The following ZNF277 variants were observed in gnomAD, a reference collection of about 807,000 sequenced individuals.
ZNF277 encodes the protein nuclear receptor-interacting factor 4.
Under a neutral mutation model 60.7 loss-of-function variants are expected in ZNF277, and 55 were observed. The ratio of observed to expected loss-of-function variants is 0.91; its 90% CI spans 0.73 to 1.13. ZNF277 has a LOEUF of 1.13. Ranked by LOEUF, ZNF277 falls within the 50% of genes most tolerant of loss-of-function variation. The pLI is 0.00. For missense variants in ZNF277, 510 were observed against 523.0 expected (o/e 0.98, Z 0.24); for synonymous variants, 178 against 179.3 (o/e 0.99, Z 0.06).
At chr7:112,223,899 A>G (rs1180839698) in intron 1 of ZNF277, among the ~76,000 whole-genome samples, 1 of 152,222 alleles carries the variant, frequency 6.6e-6, no homozygotes, top group Non-Finnish European at 1.5e-5. Flanking sequence ...CCTTGTTAAT[A>G]AAGTCAGAGC....
At position 112,322,505 on chromosome 7, in the gene ZNF277, G is replaced by T. The variant is rs531240225; in HGVS notation, c.557+4232G>T. 1.9e-3 allele frequency among the ~76,000 whole-genome samples: 291 copies of T among 150,622 alleles called. 2 individuals are homozygous for T. Among genetic ancestry groups the T allele is most frequent in the African/African-American group, 6.7e-3 (275 of 41,240 alleles). On this transcript the variant is annotated intron_variant, in intron 5 of 11. Transcript: ENST00000361822. ...TTAAAATCCAAAATTTCTATTGGTT[G>T]TCTTTTTAAAAAAAATACTTTCTGG...
intron 5 of ZNF277, among the ~76,000 whole-genome samples, chr7:112,324,607 C>A (rs1793057647): frequency 6.6e-6 from 1 of 152,182 alleles, no homozygotes; most frequent in African/African-American, 2.4e-5. Context: ...CAACCAGCAA[C>A]TGTGGCTACA....
chr7:112,242,772 C>T (rs934968945), intron 1 of ZNF277, among the ~76,000 whole-genome samples: 26 of 151,854 alleles, frequency 1.7e-4, no homozygotes, highest in African/African-American at 6.3e-4. Context: ...CAGTGCAATT[C>T]CTATCAAAAT....
chr7:112,305,194 T>C (rs2117091298), intron 4 of ZNF277, among the ~76,000 whole-genome samples: 1 of 152,126 alleles, frequency 6.6e-6, no homozygotes, highest in East Asian at 1.9e-4. Flanking sequence ...GAGACCAGGC[T>C]CGGTAACAAA....
chr7:112,316,033 TG>T (rs1380825512), intron 4 of ZNF277, among the ~76,000 whole-genome samples: 2 of 152,116 alleles, frequency 1.3e-5, no homozygotes, highest in Non-Finnish European at 2.9e-5. Flanking sequence ...AAATTAAAAG[TG>T]ATATCATGAA....
chr7:112,290,073 A>T (rs1488275362), intron 2 of ZNF277, among the ~76,000 whole-genome samples: 1 of 152,000 alleles, frequency 6.6e-6, no homozygotes, highest in Non-Finnish European at 1.5e-5. Context: ...CAATCCACCC[A>T]CCTCGGCCTC....
intron 1 of ZNF277, among the ~76,000 whole-genome samples, chr7:112,222,274 T>G (rs966015514): frequency 2.6e-5 from 4 of 152,214 alleles, no homozygotes; most frequent in African/African-American, 7.2e-5. Flanking sequence ...TAGTTCATCT[T>G]TAAATGTTTG....
At chr7:112,342,457 T>C in intron 11 of ZNF277, 104 bp from the exon 12 acceptor site, 1 of 989,516 alleles carries the variant, frequency 1.0e-6, no homozygotes. Flanking sequence ...TATGAAATTG[T>C]TGGCAAGGAT....
intron 1 of ZNF277, among the ~76,000 whole-genome samples, chr7:112,208,874 G>C (rs930816208): frequency 6.6e-6 from 1 of 151,766 alleles, no homozygotes; most frequent in African/African-American, 2.4e-5. Flanking sequence ...TAGAGACGGG[G>C]TTTCACCGTG....
chr7:112,342,243 A>T (rs1240282287), intron 11 of ZNF277, among the ~76,000 whole-genome samples: 1 of 152,096 alleles, frequency 6.6e-6, no homozygotes, highest in Non-Finnish European at 1.5e-5. Context: ...ACCTTCGAAG[A>T]TAGTGTGTTT....
chr7:112,268,244 G>A (rs1451075580), intron 1 of ZNF277, among the ~76,000 whole-genome samples: 2 of 151,296 alleles, frequency 1.3e-5, no homozygotes, highest in African/African-American at 4.9e-5. Context: ...CCATATGCCT[G>A]CATGCACACA....
At chr7:112,287,468 T>A (rs1048283284) in intron 2 of ZNF277, 2 of 154,406 alleles carry the variant, frequency 1.3e-5, no homozygotes, top group Non-Finnish European at 2.9e-5. Flanking sequence ...TCATATTCAT[T>A]TTCAGGTTTC....
intron 1 of ZNF277, among the ~76,000 whole-genome samples, chr7:112,219,597 G>A (rs1821973773): frequency 6.6e-6 from 1 of 152,114 alleles, no homozygotes; most frequent in African/African-American, 2.4e-5. Flanking sequence ...TTTTATGCCA[G>A]TACCTGGATT....
intron 6 of ZNF277, 51 bp downstream of exon 6, chr7:112,327,878 C>T: frequency 1.7e-6 from 2 of 1,181,904 alleles, no homozygotes; most frequent in Non-Finnish European, 2.4e-6. Context: ...ATCTTGGACT[C>T]TGTTGTGAAT....
At chr7:112,341,067 T>C (rs1409813990) in intron 11 of ZNF277, 21 bp downstream of exon 11, 6 of 1,549,742 alleles carry the variant, frequency 3.9e-6, no homozygotes, top group Admixed American at 2.1e-5. Flanking sequence ...CAAAACCAAA[T>C]GTGCACTTCT....
rs578099284 is a variant in ZNF277, at chr7:112,236,124, A to G, written c.91+29317A>G. Among the ~76,000 whole-genome samples the G allele has an allele frequency of 2.6e-5, 4 of 152,158 alleles. No homozygotes were observed. The East Asian group carries it at 7.7e-4, about 29-fold the overall frequency. On this transcript the variant is annotated intron_variant, in intron 1 of 11. Coordinates refer to ENST00000361822, the MANE Select transcript of ZNF277 (RefSeq NM_021994.3). Reference sequence around the variant, plus strand: ...TCTTTTCTGATGCTAGTACCACACTATCTTAATTACTGTAGCGTTTTAGTA... The same window carrying G: ...TCTTTTCTGATGCTAGTACCACACTGTCTTAATTACTGTAGCGTTTTAGTA...
chr7:112,237,313 A>C (rs1464631248), intron 1 of ZNF277, among the ~76,000 whole-genome samples: 1 of 152,172 alleles, frequency 6.6e-6, no homozygotes, highest in Non-Finnish European at 1.5e-5. Flanking sequence ...ACTTAAAGGA[A>C]CCACAAAAAC....
At chr7:112,284,571 A>G (rs938289585) in intron 1 of ZNF277, among the ~76,000 whole-genome samples, 2 of 152,196 alleles carry the variant, frequency 1.3e-5, no homozygotes, top group East Asian at 1.9e-4. Context: ...GAACTCCTTG[A>G]TTTCATTACC....
At chr7:112,321,286 A>G (rs1170151118) in intron 5 of ZNF277, among the ~76,000 whole-genome samples, 2 of 151,954 alleles carry the variant, frequency 1.3e-5, no homozygotes, top group African/African-American at 4.8e-5. Context: ...GATTGCAATT[A>G]ACATTTCAAT....
Sources: gnomAD v4.1 joint callset for allele counts (sites outside exome capture counted in the v4.1 genomes callset) on GRCh38, gnomAD v4.1.1 for gene constraint, MANE v1.5 for transcripts, NCBI Gene and HGNC (gene_info 2026-07-23, HGNC 2026-07-21) for gene names.